DLG2: variants seen among roughly 807,000 people sequenced by gnomAD.
The protein encoded by DLG2 is discs large MAGUK scaffold protein 2.
DLG2 carries 45 observed loss-of-function variants against 132.5 expected under a neutral mutation model. That is an observed-to-expected ratio of 0.34 (90% CI 0.27 to 0.44). The LOEUF (loss-of-function observed/expected upper bound fraction) is 0.44. DLG2 is among the 20% of genes least tolerant of loss of function. The pLI, the probability that DLG2 is intolerant of heterozygous loss-of-function variation, is 1.00. For synonymous variants in DLG2, 424 were observed against 419.6 expected (o/e 1.01, Z -0.13); for missense variants, 1,045 against 1,196.9 (o/e 0.87, Z 1.87).
chr11:85,014,282 C>T (rs1316293800), intron 6 of DLG2, among the ~76,000 whole-genome samples: 2 of 152,096 alleles, frequency 1.3e-5, no homozygotes, highest in East Asian at 3.9e-4. Flanking sequence ...AGAATAAGTG[C>T]AACAAGATAT....
intron 4 of DLG2, among the ~76,000 whole-genome samples, chr11:85,241,858 A>C (rs2075895983): frequency 6.6e-6 from 1 of 151,990 alleles, no homozygotes. Context: ...TTTGGGTTAC[A>C]AAACATCTCT....
At chr11:83,572,701 C>T (rs1318665539) in intron 19 of DLG2, among the ~76,000 whole-genome samples, 1 of 152,176 alleles carries the variant, frequency 6.6e-6, no homozygotes, top group African/African-American at 2.4e-5. Flanking sequence ...GCCAGCTATG[C>T]AGCTTCTGCT....
intron 6 of DLG2, among the ~76,000 whole-genome samples, chr11:84,732,919 C>A (rs1297870283): frequency 6.6e-6 from 1 of 151,782 alleles, no homozygotes; most frequent in Non-Finnish European, 1.5e-5. Context: ...CGATAGTTTG[C>A]TGAGAATGAT....
At chr11:83,714,342 T>C (rs1018095982) in intron 18 of DLG2, among the ~76,000 whole-genome samples, 1 of 152,002 alleles carries the variant, frequency 6.6e-6, no homozygotes, top group African/African-American at 2.4e-5. Context: ...GGGAGACACT[T>C]AATTGAGGGC....
chr11:83,872,620 C>A (rs2063699461), intron 16 of DLG2, among the ~76,000 whole-genome samples: 1 of 152,068 alleles, frequency 6.6e-6, no homozygotes. Context: ...CTACAGAGTT[C>A]CTCTAACTCA....
At chr11:83,709,202 A>G (rs1835901402) in intron 18 of DLG2, among the ~76,000 whole-genome samples, 1 of 151,094 alleles carries the variant, frequency 6.6e-6, no homozygotes, top group South Asian at 2.1e-4. Flanking sequence ...AAAAGTCTGA[A>G]ATCAGCATGC....
At chr11:85,523,900 TA>T (rs909626672) in intron 3 of DLG2, among the ~76,000 whole-genome samples, 1 of 151,976 alleles carries the variant, frequency 6.6e-6, no homozygotes, top group Non-Finnish European at 1.5e-5. Flanking sequence ...TATTCAGCCC[TA>T]AAAAAAAGAA....
chr11:85,590,831 T>G (rs2079276217), intron 3 of DLG2, among the ~76,000 whole-genome samples: 1 of 152,212 alleles, frequency 6.6e-6, no homozygotes, highest in South Asian at 2.1e-4. Flanking sequence ...TCACTTATTA[T>G]GTACTTAACA....
chr11:85,392,795 T>A (rs2086916601), intron 3 of DLG2, among the ~76,000 whole-genome samples: 1 of 151,926 alleles, frequency 6.6e-6, no homozygotes, highest in South Asian at 2.1e-4. Context: ...TGGATCCTTG[T>A]CTCATCTCTC....
chr11:83,605,865 G>A (rs763845898), intron 19 of DLG2, among the ~76,000 whole-genome samples: 1 of 152,158 alleles, frequency 6.6e-6, no homozygotes, highest in African/African-American at 2.4e-5. Flanking sequence ...GCATTTTTCT[G>A]CTATCAAGCC....
intron 2 of DLG2, among the ~76,000 whole-genome samples, chr11:85,604,041 T>C (rs1422661004): frequency 6.6e-6 from 1 of 152,196 alleles, no homozygotes; most frequent in African/African-American, 2.4e-5. Flanking sequence ...TAAGGGGAAT[T>C]TCACTCACTC....
chr11:84,579,561 C>A (rs2099511531), intron 6 of DLG2, among the ~76,000 whole-genome samples: 3 of 152,130 alleles, frequency 2.0e-5, no homozygotes, highest in Admixed American at 6.5e-5. Flanking sequence ...GAAAGAATGA[C>A]CCGTGTGAGG....
chr11:84,010,158 C>A (rs76588890), intron 11 of DLG2, among the ~76,000 whole-genome samples: 3,317 of 152,046 alleles, frequency 0.022, 124 homozygotes, highest in African/African-American at 0.076. Flanking sequence ...CCGGCATCAG[C>A]TAGAACTCAT....
chr11:84,453,921 A>AT (rs2099058423), intron 7 of DLG2, among the ~76,000 whole-genome samples: 1 of 151,424 alleles, frequency 6.6e-6, no homozygotes, highest in Admixed American at 6.6e-5. Flanking sequence ...CGTTCTTCTT[A>AT]TTTTCTGTAC....
chr11:85,581,718 C>T (rs117925222), intron 3 of DLG2, among the ~76,000 whole-genome samples: 525 of 152,184 alleles, frequency 3.4e-3, no homozygotes, highest in Non-Finnish European at 5.2e-3. Context: ...GAACATTTGA[C>T]AGATAAGAGG....
intron 14 of DLG2, among the ~76,000 whole-genome samples, chr11:83,935,105 AACCGC>A (rs1359421400): frequency 6.6e-6 from 1 of 152,224 alleles, no homozygotes; most frequent in Non-Finnish European, 1.5e-5. Context: ...GGGGGCATCC[AACCGC>A]ATGCCCTGTA....
At chr11:84,100,540 T>C (rs2092431380) in intron 9 of DLG2, among the ~76,000 whole-genome samples, 1 of 151,872 alleles carries the variant, frequency 6.6e-6, no homozygotes, top group African/African-American at 2.4e-5. Context: ...AGGCAGTCTT[T>C]ATAAATATTC....
chr11:84,942,088 A>C (rs1389592943), intron 6 of DLG2, among the ~76,000 whole-genome samples: 1 of 152,130 alleles, frequency 6.6e-6, no homozygotes, highest in Non-Finnish European at 1.5e-5. Flanking sequence ...CGGTGGTATC[A>C]GTTGTAATGT....
intron 7 of DLG2, among the ~76,000 whole-genome samples, chr11:84,287,926 T>G (rs1298016595): frequency 9.2e-5 from 14 of 151,638 alleles, no homozygotes; most frequent in Non-Finnish European, 1.8e-4. Flanking sequence ...AGGTCATGCA[T>G]TAAATGAAAA....
Sources: allele counts gnomAD v4.1 joint callset (sites outside exome capture counted in the v4.1 genomes callset), GRCh38; gene constraint gnomAD v4.1.1; transcripts MANE v1.5; gene names NCBI Gene and HGNC (gene_info 2026-07-23, HGNC 2026-07-21).